The following TMEM178B variants were observed in gnomAD, a reference collection of about 807,000 sequenced individuals.
TMEM178B encodes the protein transmembrane protein 178B.
In TMEM178B, 5 loss-of-function variants were observed where a neutral mutation model predicts 31.0. That is an observed-to-expected ratio of 0.16 (90% CI 0.08 to 0.34). The LOEUF (loss-of-function observed/expected upper bound fraction) is 0.34, where lower values mean the gene tolerates loss of function less well. TMEM178B is among the 10% of genes least tolerant of loss of function. The pLI, the probability that TMEM178B is intolerant of heterozygous loss-of-function variation, is 1.00. For synonymous variants in TMEM178B, 164 were observed against 164.0 expected (o/e 1.00, Z 0.00); for missense variants, 275 against 400.3 (o/e 0.69, Z 2.67).
intron 1 of TMEM178B, among the ~76,000 whole-genome samples, chr7:141,152,697 C>T (rs192899463): frequency 3.3e-4 from 51 of 152,290 alleles, no homozygotes; most frequent in African/African-American, 9.9e-4. Flanking sequence ...GCCTCCAACC[C>T]GAGGGGCTGC....
intron 2 of TMEM178B, among the ~76,000 whole-genome samples, chr7:141,407,958 C>T (rs1441596414): frequency 6.6e-6 from 1 of 152,174 alleles, no homozygotes; most frequent in Non-Finnish European, 1.5e-5. Flanking sequence ...ATTTGATACA[C>T]ATGCCAACCC....
chr7:141,195,367 T>C (rs1324534499), intron 1 of TMEM178B, among the ~76,000 whole-genome samples: 1 of 152,214 alleles, frequency 6.6e-6, no homozygotes, highest in Non-Finnish European at 1.5e-5. Flanking sequence ...CCCTAAGTTA[T>C]CTTTCTCAAG....
intron 2 of TMEM178B, chr7:141,414,952 G>A (rs939172882): frequency 1.3e-5 from 2 of 152,196 alleles, no homozygotes; most frequent in African/African-American, 4.8e-5. Flanking sequence ...AGGGCTAAGG[G>A]TCATGCTGAG....
At chr7:141,388,851 TAAATC>T (rs71522138) in intron 2 of TMEM178B, among the ~76,000 whole-genome samples, 447 of 152,270 alleles carry the variant, frequency 2.9e-3, no homozygotes, top group Non-Finnish European at 5.4e-3. Flanking sequence ...AAAAATGAGT[TAAATC>T]AAATAACCTG....
chr7:141,398,605 T>C lies in TMEM178B; in HGVS notation c.497-39003T>C, dbSNP rs191919187. Among the ~76,000 whole-genome samples the C allele has an allele frequency of 3.7e-3, 567 of 152,322 alleles. 3 individuals are homozygous for C. The highest frequency in any genetic ancestry group is 5.9e-3 in the Non-Finnish European group (398 of 68,034). On this transcript the variant is annotated intron_variant, in intron 2 of 3. Transcript: ENST00000565468. ...CCAGTGTGGTATTTTCACTGGGACATCTGCAAGAGCACATGGGAGGTAAAT... is the reference window on the plus strand; with the variant it reads ...CCAGTGTGGTATTTTCACTGGGACACCTGCAAGAGCACATGGGAGGTAAAT...
At chr7:141,256,534 C>A (rs753782592) in intron 2 of TMEM178B, among the ~76,000 whole-genome samples, 10 of 152,072 alleles carry the variant, frequency 6.6e-5, no homozygotes, top group Non-Finnish European at 1.3e-4. Context: ...GGGGGTGTAG[C>A]CAGGGTCAAG....
chr7:141,142,392 T>G (rs978184865), intron 1 of TMEM178B, among the ~76,000 whole-genome samples: 1 of 146,658 alleles, frequency 6.8e-6, no homozygotes, highest in Non-Finnish European at 1.5e-5. Flanking sequence ...AACAATTTAT[T>G]TTCTTTTTTC....
At chr7:141,485,623 C>T in the TMEM178B span, among the ~76,000 whole-genome samples, 211 of 152,322 alleles carry the variant, frequency 1.4e-3, no homozygotes, top group Middle Eastern at 0.02. Context: ...TCTGCAGCTG[C>T]GTCTTAAAGC....
At chr7:141,376,739 G>A (rs1355423907) in intron 2 of TMEM178B, among the ~76,000 whole-genome samples, 1 of 152,126 alleles carries the variant, frequency 6.6e-6, no homozygotes, top group African/African-American at 2.4e-5. Flanking sequence ...CCTGCTAGAA[G>A]CTGAGACATT....
chr7:141,112,512 C>T (rs1488088429), intron 1 of TMEM178B, among the ~76,000 whole-genome samples: 1 of 152,144 alleles, frequency 6.6e-6, no homozygotes, highest in Non-Finnish European at 1.5e-5. Flanking sequence ...CCTTGGCTTC[C>T]CAAAGTTCTG....
intron 1 of TMEM178B, among the ~76,000 whole-genome samples, chr7:141,179,438 A>G (rs1796483477): frequency 1.3e-5 from 2 of 152,208 alleles, no homozygotes; most frequent in Admixed American, 1.3e-4. Context: ...GCTTTCTGAT[A>G]AAAAGTCATC....
chr7:141,449,669 G>C (rs551937070), intron 3 of TMEM178B, among the ~76,000 whole-genome samples: 78 of 152,266 alleles, frequency 5.1e-4, no homozygotes, highest in Admixed American at 1.8e-3. Context: ...GCTCCCTCTG[G>C]GTACCAGAGA....
In TMEM178B at chr7:141,432,146, C is replaced by CTTTTTTTTT. The variant is rs71170797; in HGVS notation, c.497-5442_497-5434dup. Among the ~76,000 whole-genome samples the CTTTTTTTTT allele has an allele frequency of 3.2e-4, 25 of 79,082 alleles. 1 individual carries two copies. Among genetic ancestry groups the CTTTTTTTTT allele is most frequent in the African/African-American group, 8.7e-4 (17 of 19,636 alleles). The allele number at this position is 79,082 out of a possible 152,430, so 51.9% of individuals were successfully genotyped here. A position where few individuals can be genotyped will look rare whatever the true frequency, so the allele number is the denominator to read the frequency against. On this transcript the variant is annotated intron_variant, in intron 2 of 3. Transcript: ENST00000565468. The stretch of plus-strand genomic sequence containing the variant: ...TTTCTTTTTCTCTCCTTCACTGCAT[C>CTTTTTTTTT]TTTTTTTTTTTTTTTTTTTTTTTTT...
intron 2 of TMEM178B, among the ~76,000 whole-genome samples, chr7:141,407,044 C>G (rs1800897262): frequency 6.6e-6 from 1 of 152,210 alleles, no homozygotes; most frequent in Admixed American, 6.5e-5. Context: ...TGGGCCAAAC[C>G]CAGCCCACCA....
chr7:141,333,163 G>C (rs1022856081), intron 2 of TMEM178B, among the ~76,000 whole-genome samples: 1 of 152,172 alleles, frequency 6.6e-6, no homozygotes, highest in Non-Finnish European at 1.5e-5. Flanking sequence ...CAAATTCTAT[G>C]GTGTTGAAAA....
At chr7:141,163,590 G>A (rs1444060472) in intron 1 of TMEM178B, among the ~76,000 whole-genome samples, 4 of 150,084 alleles carry the variant, frequency 2.7e-5, no homozygotes, top group Non-Finnish European at 5.9e-5. Context: ...CTGGCTCACT[G>A]CAACCTCTGC....
intron 3 of TMEM178B, among the ~76,000 whole-genome samples, chr7:141,438,259 C>G (rs1220572608): frequency 1.3e-5 from 2 of 152,070 alleles, no homozygotes; most frequent in Admixed American, 1.3e-4. Flanking sequence ...TTATATCTGT[C>G]TCTCTTACTC....
intron 2 of TMEM178B, among the ~76,000 whole-genome samples, chr7:141,396,744 T>C (rs1371536657): frequency 6.6e-6 from 1 of 152,100 alleles, no homozygotes; most frequent in Non-Finnish European, 1.5e-5. Flanking sequence ...TAGCAGTCTG[T>C]TAGATGTCCA....
chr7:141,288,339 A>G (rs1382899051), intron 2 of TMEM178B, among the ~76,000 whole-genome samples: 2 of 151,816 alleles, frequency 1.3e-5, no homozygotes, highest in Non-Finnish European at 2.9e-5. Context: ...AATGTTTTCC[A>G]TTCATTTTTT....
Sources: allele counts gnomAD v4.1 joint callset (sites outside exome capture counted in the v4.1 genomes callset), GRCh38; gene constraint gnomAD v4.1.1; transcripts MANE v1.5; gene names NCBI Gene and HGNC (gene_info 2026-07-23, HGNC 2026-07-21).